Variants in AFG2A observed in about 807,000 individuals in gnomAD.
AFG2A encodes ATPase family gene 2 protein homolog A.
At chr4:123,019,466 T>C in the AFG2A span, among the ~76,000 whole-genome samples, 1 of 152,154 alleles carries the variant, frequency 6.6e-6, no homozygotes, top group Non-Finnish European at 1.5e-5. Context: ...AAGGATTACT[T>C]TTAGGTATTG....
At chr4:122,979,073 C>G in the AFG2A span, among the ~76,000 whole-genome samples, 1 of 152,232 alleles carries the variant, frequency 6.6e-6, no homozygotes, top group Non-Finnish European at 1.5e-5. Context: ...CTGTTCCCAG[C>G]TCCCACTGGC....
the AFG2A span, among the ~76,000 whole-genome samples, chr4:123,073,376 A>G: frequency 6.6e-6 from 1 of 152,080 alleles, no homozygotes. Context: ...ATTCTTCATG[A>G]ATTATAACTT....
At chr4:123,022,355 C>G in the AFG2A span, among the ~76,000 whole-genome samples, 3 of 151,986 alleles carry the variant, frequency 2.0e-5, no homozygotes, top group Non-Finnish European at 4.4e-5. Context: ...ACAAACAACC[C>G]CATCAAAAAG....
At chr4:123,162,023 G>C in the AFG2A span, among the ~76,000 whole-genome samples, 1 of 103,200 alleles carries the variant, frequency 9.7e-6, no homozygotes, top group African/African-American at 2.5e-5. Context: ...TAATCAGCTG[G>C]GGAAAAAAAA....
chr4:123,071,714 C>CT, the AFG2A span, among the ~76,000 whole-genome samples: 1,845 of 152,246 alleles, frequency 0.012, 44 homozygotes, highest in African/African-American at 0.041. Context: ...ACAAAGGTAA[C>CT]TTGTGTGTCT....
At chr4:123,047,897 G>T in the AFG2A span, among the ~76,000 whole-genome samples, 1 of 151,892 alleles carries the variant, frequency 6.6e-6, no homozygotes, top group Non-Finnish European at 1.5e-5. Context: ...TAGAGGTGGG[G>T]TCTTGATATG....
chr4:123,200,188 AT>A, the AFG2A span, among the ~76,000 whole-genome samples: 2 of 152,378 alleles, frequency 1.3e-5, no homozygotes, highest in African/African-American at 4.8e-5. Context: ...ATGAACTTAA[AT>A]TCACAGGGCT....
At chr4:123,002,259 A>G in the AFG2A span, among the ~76,000 whole-genome samples, 5,933 of 151,512 alleles carry the variant, frequency 0.039, 356 homozygotes, top group African/African-American at 0.13. Flanking sequence ...TCTTTATCCA[A>G]TTTGCCAGTC....
the AFG2A span, among the ~76,000 whole-genome samples, chr4:123,060,926 A>G: frequency 2.6e-5 from 4 of 152,076 alleles, no homozygotes; most frequent in African/African-American, 9.7e-5. Flanking sequence ...ATCCCAAATA[A>G]TCTCTCTCAT....
At chr4:123,005,157 C>A in the AFG2A span, among the ~76,000 whole-genome samples, 1 of 150,960 alleles carries the variant, frequency 6.6e-6, no homozygotes, top group Admixed American at 6.6e-5. Flanking sequence ...TTTCTTTCTT[C>A]TTTTTTTTTC....
chr4:123,074,540 C>T, the AFG2A span, among the ~76,000 whole-genome samples: 1 of 151,260 alleles, frequency 6.6e-6, no homozygotes, highest in Non-Finnish European at 1.5e-5. Flanking sequence ...TCACTAATCT[C>T]CCATTAAGAC....
the AFG2A span, among the ~76,000 whole-genome samples, chr4:123,043,727 G>A: frequency 0.041 from 6,190 of 152,208 alleles, 405 homozygotes; most frequent in African/African-American, 0.14. Flanking sequence ...AATCAGGATT[G>A]TAAGATAAAT....
chr4:123,204,266 A>G, the AFG2A span, among the ~76,000 whole-genome samples: 4 of 152,204 alleles, frequency 2.6e-5, no homozygotes, highest in African/African-American at 7.2e-5. Context: ...TGCCTACTGC[A>G]TATGATAAAT....
At chr4:122,985,875 T>C in the AFG2A span, among the ~76,000 whole-genome samples, 1 of 151,784 alleles carries the variant, frequency 6.6e-6, no homozygotes, top group Non-Finnish European at 1.5e-5. Context: ...GAATGTCAGT[T>C]TGTGCTCTTT....
At chr4:123,288,153 G>A in the AFG2A span, among the ~76,000 whole-genome samples, 2 of 152,106 alleles carry the variant, frequency 1.3e-5, no homozygotes, top group Non-Finnish European at 2.9e-5. Context: ...CAGTGGGGGA[G>A]TGTTCAGAAG....
chr4:123,226,130 C>T, the AFG2A span, among the ~76,000 whole-genome samples: 1 of 152,156 alleles, frequency 6.6e-6, no homozygotes, highest in African/African-American at 2.4e-5. Context: ...AAGGGGTTTT[C>T]TAGATATACA....
chr4:123,242,449 T>C, the AFG2A span, among the ~76,000 whole-genome samples: 2 of 152,040 alleles, frequency 1.3e-5, no homozygotes, highest in African/African-American at 4.8e-5. Context: ...ACACCATGCA[T>C]CTACAACCAT....
At chr4:123,150,788 C>G in the AFG2A span, among the ~76,000 whole-genome samples, 1 of 152,040 alleles carries the variant, frequency 6.6e-6, no homozygotes, top group African/African-American at 2.4e-5. Flanking sequence ...CATATGGAAC[C>G]AAAAAATAGC....
At chr4:123,010,247 C>G in the AFG2A span, among the ~76,000 whole-genome samples, 1 of 152,190 alleles carries the variant, frequency 6.6e-6, no homozygotes, top group African/African-American at 2.4e-5. Flanking sequence ...TTGCCTAACT[C>G]CTACTCATTC....
Sources: gnomAD v4.1 joint callset for allele counts (sites outside exome capture counted in the v4.1 genomes callset) on GRCh38, gnomAD v4.1.1 for gene constraint, MANE v1.5 for transcripts, NCBI Gene and HGNC (gene_info 2026-07-23, HGNC 2026-07-21) for gene names.